Variants in KCNIP1 observed in about 807,000 individuals in gnomAD.
The protein encoded by KCNIP1 is A-type potassium channel modulatory protein KCNIP1.
Under a neutral mutation model 33.0 loss-of-function variants are expected in KCNIP1, and 18 were observed. The observed-to-expected ratio is 0.55, with a 90% CI of 0.38 to 0.81. The LOEUF (loss-of-function observed/expected upper bound fraction) is 0.81, where lower values mean the gene tolerates loss of function less well. Among genes scored for constraint, KCNIP1 ranks in the 30% least tolerant of loss-of-function variants. The pLI is 0.00. For synonymous variants in KCNIP1, 93 were observed against 98.3 expected (o/e 0.95, Z 0.32); for missense variants, 238 against 271.6 (o/e 0.88, Z 0.87).
Position 170,680,918 on chromosome 5 carries a change from T to A in KCNIP1, c.62-37840T>A, listed in dbSNP as rs111342180. ...AGAGAGGTGGAGGGAGGGGTAGGAG[T>A]GGAAGGAAGGGAGGGAGGCAGAAAG... is the stretch of plus-strand genomic sequence containing the variant. On this transcript the variant is annotated intron_variant, in intron 1 of 7. Transcript: ENST00000328939. The A allele has an allele frequency of 1.5e-3, 588 of 392,986 alleles. 5 individuals carry two copies. The highest frequency in any genetic ancestry group is 0.011 in the African/African-American group (532 of 47,414). 24.3% of individuals were successfully genotyped at this position (392,986 alleles called of 1,614,324 possible).
upstream of KCNIP1, among the ~76,000 whole-genome samples, chr5:170,503,659 A>C (rs1030727333): frequency 6.7e-6 from 1 of 149,874 alleles, no homozygotes; most frequent in African/African-American, 2.4e-5. Context: ...TTTCCCTTGA[A>C]GTCGAATGAA....
At chr5:170,721,668 C>G (rs765843509) in intron 3 of KCNIP1, 165 bp from the exon 4 acceptor site, 111 of 1,479,490 alleles carry the variant, frequency 7.5e-5, no homozygotes, top group Non-Finnish European at 9.9e-5. Flanking sequence ...ACTTCACACC[C>G]AAACCCAAAG....
chr5:170,652,081 TG>T (rs1484459583), intron 1 of KCNIP1, among the ~76,000 whole-genome samples: 6 of 151,854 alleles, frequency 4.0e-5, no homozygotes, highest in South Asian at 2.1e-4. Flanking sequence ...TGGCTGGCTG[TG>T]GGGGAGGGGG....
chr5:170,663,103 CA>C (rs1761561242), intron 1 of KCNIP1, among the ~76,000 whole-genome samples: 1 of 152,182 alleles, frequency 6.6e-6, no homozygotes, highest in South Asian at 2.1e-4. Flanking sequence ...AGTGGTACTT[CA>C]GATCATCCTG....
chr5:170,636,953 C>G (rs922908914), intron 1 of KCNIP1, among the ~76,000 whole-genome samples: 1 of 152,122 alleles, frequency 6.6e-6, no homozygotes, highest in African/African-American at 2.4e-5. Context: ...ACCAGGCTGT[C>G]TGAATCCAAA....
intron 1 of KCNIP1, among the ~76,000 whole-genome samples, chr5:170,418,080 T>C (rs1419893164): frequency 3.3e-5 from 5 of 152,222 alleles, no homozygotes. Flanking sequence ...TTTAATTTTT[T>C]ACATCTCATC....
intron 1 of KCNIP1, among the ~76,000 whole-genome samples, chr5:170,677,834 A>T (rs2113786865): frequency 6.6e-6 from 1 of 152,322 alleles, no homozygotes; most frequent in South Asian, 2.1e-4. Context: ...AGGGGAAAAA[A>T]AAATGCCTGT....
At chr5:170,521,455 C>G (rs1427783149) in intron 1 of KCNIP1, among the ~76,000 whole-genome samples, 1 of 152,204 alleles carries the variant, frequency 6.6e-6, no homozygotes, top group African/African-American at 2.4e-5. Flanking sequence ...TGTTTAAACT[C>G]CTCTTCCAGA....
chr5:170,468,825 C>T (rs1476124661), intron 1 of KCNIP1, among the ~76,000 whole-genome samples: 1 of 151,846 alleles, frequency 6.6e-6, no homozygotes, highest in African/African-American at 2.4e-5. Flanking sequence ...TGCAGTGAGC[C>T]GAGATCGCGC....
At chr5:170,386,486 G>A (rs549645719) in intron 1 of KCNIP1, among the ~76,000 whole-genome samples, 4 of 152,262 alleles carry the variant, frequency 2.6e-5, no homozygotes, top group East Asian at 1.9e-4. Context: ...GGTCCCATGC[G>A]GTGAGCGAGC....
chr5:170,626,874 G>GGATCCGT (rs56811019), intron 1 of KCNIP1, among the ~76,000 whole-genome samples: 71,774 of 151,440 alleles, frequency 0.47, 17,517 homozygotes, highest in East Asian at 0.67. Flanking sequence ...GTGGGCAGCA[G>GGATCCGT]GCCTTCTCAA....
At chr5:170,664,294 G>A (rs1000105199) in intron 1 of KCNIP1, among the ~76,000 whole-genome samples, 3 of 152,154 alleles carry the variant, frequency 2.0e-5, no homozygotes, top group African/African-American at 7.2e-5. Flanking sequence ...CATCTTAGAT[G>A]TCACTTCTCC....
intron 1 of KCNIP1, among the ~76,000 whole-genome samples, chr5:170,543,787 G>A (rs757243883): frequency 1.3e-5 from 2 of 152,312 alleles, no homozygotes; most frequent in Middle Eastern, 3.4e-3. Flanking sequence ...AAATGTGAAT[G>A]GAAAAGTTAT....
At chr5:170,414,644 A>T (rs903829245) in intron 1 of KCNIP1, among the ~76,000 whole-genome samples, 4 of 152,238 alleles carry the variant, frequency 2.6e-5, no homozygotes, top group Non-Finnish European at 5.9e-5. Flanking sequence ...TTCAAATTTA[A>T]TTCTGCTGAA....
intron 1 of KCNIP1, among the ~76,000 whole-genome samples, chr5:170,553,430 A>C (rs1278519187): frequency 6.6e-6 from 1 of 152,238 alleles, no homozygotes; most frequent in Non-Finnish European, 1.5e-5. Flanking sequence ...CCAGAAAGGC[A>C]AAGTAACTTC....
intron 1 of KCNIP1, among the ~76,000 whole-genome samples, chr5:170,695,353 A>G (rs1026523189): frequency 6.6e-6 from 1 of 152,238 alleles, no homozygotes; most frequent in Non-Finnish European, 1.5e-5. Flanking sequence ...TCCTCTAAAT[A>G]GAATCTGCTC....
At chr5:170,369,786 C>A (rs775687833) in intron 1 of KCNIP1, among the ~76,000 whole-genome samples, 6 of 152,196 alleles carry the variant, frequency 3.9e-5, no homozygotes, top group Non-Finnish European at 7.3e-5. Flanking sequence ...CATGGGAAAG[C>A]AATTTAATTT....
intron 1 of KCNIP1, among the ~76,000 whole-genome samples, chr5:170,564,651 T>C (rs1394882334): frequency 6.6e-6 from 1 of 152,242 alleles, no homozygotes. Context: ...ACCACAGTGC[T>C]GGGACGTGGT....
At chr5:170,478,395 G>A (rs1481185793) in intron 1 of KCNIP1, among the ~76,000 whole-genome samples, 2 of 152,192 alleles carry the variant, frequency 1.3e-5, no homozygotes, top group Non-Finnish European at 2.9e-5. Context: ...GCTCATGGCT[G>A]GAGGACAAGC....
Sources: allele counts gnomAD v4.1 joint callset (sites outside exome capture counted in the v4.1 genomes callset), GRCh38; gene constraint gnomAD v4.1.1; transcripts MANE v1.5; gene names NCBI Gene and HGNC (gene_info 2026-07-23, HGNC 2026-07-21).